Variants in DISC1 observed in about 807,000 individuals in gnomAD.
DISC1 encodes DISC1 scaffold protein, also known as disrupted in schizophrenia 1 protein.
DISC1 carries 57 observed loss-of-function variants against 84.5 expected under a neutral mutation model. The observed-to-expected ratio is 0.67, with a 90% confidence interval of 0.55 to 0.84. The LOEUF (loss-of-function observed/expected upper bound fraction) is 0.84. Among genes scored for constraint, DISC1 ranks in the 40% least tolerant of loss-of-function variants. The probability of loss-of-function intolerance (pLI) is 0.00; values close to 1 mark genes in which losing one functional copy is unlikely to be tolerated. For missense variants in DISC1, 1,000 were observed against 1,057.8 expected (o/e 0.95, Z 0.76); for synonymous variants, 411 against 415.2 (o/e 0.99, Z 0.12).
chr1:231,984,426 ATAT>A (rs1317326373), intron 10 of DISC1, among the ~76,000 whole-genome samples: 2 of 152,154 alleles, frequency 1.3e-5, no homozygotes, highest in African/African-American at 4.8e-5. Flanking sequence ...AAGTTCAAAA[ATAT>A]TATTATGGAT....
chr1:231,812,174 GC>G (rs2080370819), intron 8 of DISC1, among the ~76,000 whole-genome samples: 1 of 152,054 alleles, frequency 6.6e-6, no homozygotes. Flanking sequence ...TCTCACCTCA[GC>G]CTCCCAAGTA....
rs1232845330 is a variant in DISC1, at chr1:232,026,381, TTCTG to T, written c.2308-48_2308-45del. ...TCTTTCCAGGAAGCTTCCCTTTGTG[TTCTG>T]TCTGTGTCCACGGCACTAACAAGTG... On this transcript the variant is annotated intron_variant, in intron 11 of 12. Coordinates refer to ENST00000439617, the MANE Select transcript of DISC1 (RefSeq NM_018662.3). The T allele has an allele frequency of 9.4e-6, 12 of 1,269,940 alleles. No individual in the cohort carries two copies. In the South Asian group the frequency reaches 1.3e-4, roughly 14 times the overall value. 78.7% of individuals were successfully genotyped at this position (1,269,940 alleles called of 1,614,324 possible).
chr1:231,697,808 T>G (rs1286547470), intron 2 of DISC1, among the ~76,000 whole-genome samples: 1 of 152,184 alleles, frequency 6.6e-6, no homozygotes, highest in African/African-American at 2.4e-5. Context: ...ACACGCTTTC[T>G]ACTTAGGTCA....
rs968006890 is a variant in DISC1 at position 232,039,030 on chromosome 1, G to A, written c.*2199G>A. 1.3e-5 allele frequency: 2 copies of A among 152,140 alleles called. No individual in the cohort carries two copies. The highest frequency in any genetic ancestry group is 2.9e-5 in the Non-Finnish European group (2 of 68,042). 9.4% of individuals were successfully genotyped at this position (152,140 alleles called of 1,614,324 possible). A position where few individuals can be genotyped will look rare whatever the true frequency, so the allele number is the denominator to read the frequency against. On this transcript the variant is annotated 3_prime_UTR_variant, in exon 13 of 13. Transcript: ENST00000439617. ...TGAATGTGCTGATTGTGTTCCCTAT[G>A]GCTTTATCTCGAGCAAAATACACTC... is the stretch of plus-strand genomic sequence containing the variant.
At chr1:232,030,086 G>T (rs1669859252) in intron 12 of DISC1, among the ~76,000 whole-genome samples, 1 of 152,206 alleles carries the variant, frequency 6.6e-6, no homozygotes, top group African/African-American at 2.4e-5. Context: ...ACCATTAATT[G>T]GGAGAGCTGG....
intron 4 of DISC1, among the ~76,000 whole-genome samples, chr1:231,765,221 T>G (rs897572980): frequency 1.8e-5 from 2 of 112,438 alleles, no homozygotes; most frequent in Non-Finnish European, 3.9e-5. Context: ...AAAAAAAAAC[T>G]TTGGATAATA....
At chr1:231,995,959 A>G (rs1665897015) in intron 10 of DISC1, among the ~76,000 whole-genome samples, 1 of 152,096 alleles carries the variant, frequency 6.6e-6, no homozygotes, top group African/African-American at 2.4e-5. Context: ...TCCCACCAAC[A>G]GTGTAAAAGT....
chr1:232,005,521 G>A (rs913626690), intron 10 of DISC1, among the ~76,000 whole-genome samples: 5 of 152,092 alleles, frequency 3.3e-5, no homozygotes, highest in Admixed American at 6.5e-5. Context: ...CTAGGTATGT[G>A]TTTTCTTTGA....
chr1:231,970,283 A>T (rs1447727652), intron 10 of DISC1, among the ~76,000 whole-genome samples: 1 of 152,192 alleles, frequency 6.6e-6, no homozygotes, highest in African/African-American at 2.4e-5. Flanking sequence ...CTTTTTAATG[A>T]TCGCCATTCT....
At chr1:231,766,421 A>T (rs566137274) in intron 4 of DISC1, among the ~76,000 whole-genome samples, 2 of 111,734 alleles carry the variant, frequency 1.8e-5, no homozygotes, top group South Asian at 3.2e-4. Context: ...TGCTGGGAAT[A>T]AAAAAAAATG....
At chr1:231,779,811 G>T (rs935928504) in intron 6 of DISC1, among the ~76,000 whole-genome samples, 1 of 151,806 alleles carries the variant, frequency 6.6e-6, no homozygotes, top group Non-Finnish European at 1.5e-5. Flanking sequence ...CACCTGCCTC[G>T]GTCTCCCAAA....
intron 10 of DISC1, among the ~76,000 whole-genome samples, chr1:231,983,333 G>T (rs1663884009): frequency 6.6e-6 from 1 of 151,588 alleles, no homozygotes; most frequent in Non-Finnish European, 1.5e-5. Context: ...TTCTGGGGAA[G>T]CTGTATGCTT....
At chr1:231,773,634 T>C (rs984337085) in intron 6 of DISC1, among the ~76,000 whole-genome samples, 8 of 152,174 alleles carry the variant, frequency 5.3e-5, no homozygotes, top group Non-Finnish European at 4.4e-5. Context: ...TCTGCCCTCC[T>C]TGGCCTCCCA....
intron 9 of DISC1, among the ~76,000 whole-genome samples, chr1:231,868,481 G>A (rs1314969787): frequency 6.6e-6 from 1 of 151,912 alleles, no homozygotes; most frequent in African/African-American, 2.4e-5. Flanking sequence ...CAAAACAGCT[G>A]GCAGCCTAAT....
chr1:231,771,106 G>A (rs1042605585), intron 6 of DISC1, 36 bp downstream of exon 6: 5 of 1,536,250 alleles, frequency 3.3e-6, no homozygotes, highest in East Asian at 2.4e-5. Context: ...TGGGTCGCTC[G>A]CCTCTTTGAC....
At chr1:231,729,709 G>GT (rs368321722) in intron 3 of DISC1, among the ~76,000 whole-genome samples, 7,517 of 138,948 alleles carry the variant, frequency 0.054, 236 homozygotes, top group South Asian at 0.082. Context: ...ATCCTCTAGG[G>GT]TTTTTTTTTT....
At chr1:231,837,020 T>C (rs1009700350) in intron 9 of DISC1, among the ~76,000 whole-genome samples, 2 of 152,240 alleles carry the variant, frequency 1.3e-5, no homozygotes, top group Non-Finnish European at 2.9e-5. Context: ...TAATGTAATA[T>C]TTAATAGCAT....
intron 10 of DISC1, among the ~76,000 whole-genome samples, chr1:231,993,754 GA>G (rs938783413): frequency 1.3e-5 from 2 of 151,936 alleles, no homozygotes; most frequent in African/African-American, 4.8e-5. Flanking sequence ...AGGAAACCAT[GA>G]AAAAAAATGG....
chr1:231,953,404 C>T (rs986368634), intron 9 of DISC1, among the ~76,000 whole-genome samples: 1 of 152,242 alleles, frequency 6.6e-6, no homozygotes, highest in African/African-American at 2.4e-5. Context: ...CCTGCCAAGA[C>T]ATTCCAGCTG....
Sources: allele counts gnomAD v4.1 joint callset (sites outside exome capture counted in the v4.1 genomes callset), GRCh38; gene constraint gnomAD v4.1.1; transcripts MANE v1.5; gene names NCBI Gene and HGNC (gene_info 2026-07-23, HGNC 2026-07-21).